Variants in UTP11 observed in about 807,000 individuals in gnomAD.
The protein encoded by UTP11 is probable U3 small nucleolar RNA-associated protein 11.
In UTP11, 29 loss-of-function variants were observed where a neutral mutation model predicts 39.0. The ratio of observed to expected loss-of-function variants is 0.74; its 90% CI spans 0.55 to 1.01. UTP11 has a LOEUF of 1.01. Ranked by LOEUF, UTP11 falls within the 50% of genes least tolerant of loss-of-function variation. The pLI, the probability that UTP11 is intolerant of heterozygous loss-of-function variation, is 0.00. For synonymous variants in UTP11, 111 were observed against 105.0 expected (o/e 1.06, Z -0.35); for missense variants, 281 against 306.0 (o/e 0.92, Z 0.61).
chr1:38,018,077 G>GTT (rs995051218), intron 3 of UTP11, among the ~76,000 whole-genome samples: 1 of 146,054 alleles, frequency 6.8e-6, no homozygotes, highest in Admixed American at 6.9e-5. Flanking sequence ...TTGTCTTTTT[G>GTT]TTTTTTTTTT....
intron 6 of UTP11, among the ~76,000 whole-genome samples, chr1:38,020,499 T>A (rs1646730363): frequency 6.6e-6 from 1 of 152,214 alleles, no homozygotes; most frequent in African/African-American, 2.4e-5. Context: ...GCAGAAGACA[T>A]GCTTTTCCTG....
intron 1 of UTP11, among the ~76,000 whole-genome samples, chr1:38,016,076 A>T (rs964732372): frequency 6.6e-6 from 1 of 152,258 alleles, no homozygotes; most frequent in African/African-American, 2.4e-5. Flanking sequence ...TACAACTGGC[A>T]ACTGCTTGCT....
At chr1:38,017,876 C>T (rs1395989765) in intron 3 of UTP11, 106 bp downstream of exon 3, 1 of 978,532 alleles carries the variant, frequency 1.0e-6, no homozygotes, top group Non-Finnish European at 1.5e-6. Flanking sequence ...TAACCCTTCT[C>T]TGGTTACTCC....
At chr1:38,023,425 C>A in intron 7 of UTP11, 120 bp from the exon 8 acceptor site, 1 of 773,818 alleles carries the variant, frequency 1.3e-6, no homozygotes, top group Non-Finnish European at 2.1e-6. Flanking sequence ...GGCAGTAGGG[C>A]TGTGTCCGTT....
intron 2 of UTP11, chr1:38,017,417 A>T: frequency 2.9e-6 from 1 of 339,926 alleles, no homozygotes; most frequent in Non-Finnish European, 5.3e-6. Context: ...AAACATATAT[A>T]GGCTGGGGAC....
chr1:38,021,383 GTTTC>G (rs1475839301), intron 6 of UTP11, among the ~76,000 whole-genome samples: 19 of 152,138 alleles, frequency 1.2e-4, no homozygotes, highest in African/African-American at 4.6e-4. Flanking sequence ...TAGTAATTAT[GTTTC>G]TTTCTATTTT....
Position 38,019,014 on chromosome 1 carries a change from C to T in UTP11, c.343-45C>T, listed in dbSNP as rs199723546. ...TGCAGTTTTTTTTTTTTTTTGGTACCCTAGAAGAATCTAATATAAAGTGAG... is the reference window on the plus strand; with the variant it reads ...TGCAGTTTTTTTTTTTTTTTGGTACTCTAGAAGAATCTAATATAAAGTGAG... On this transcript the variant is annotated intron_variant, in intron 4 of 7. Coordinates refer to ENST00000373014, the MANE Select transcript of UTP11 (RefSeq NM_016037.4). 446 of 1,448,278 alleles carry T rather than the reference C, an allele frequency of 3.1e-4. 2 individuals carry two copies. The African/African-American group carries it at 6.0e-3, about 19-fold the overall frequency. 89.7% of individuals were successfully genotyped at this position (1,448,278 alleles called of 1,614,324 possible).
intron 1 of UTP11, among the ~76,000 whole-genome samples, chr1:38,014,013 C>G (rs149928028): frequency 1.3e-5 from 2 of 152,236 alleles, no homozygotes; most frequent in Non-Finnish European, 2.9e-5. Context: ...CTGCACCCGG[C>G]CAAAACTATC....
At chr1:38,022,404 A>AT (rs1431184477) in intron 6 of UTP11, among the ~76,000 whole-genome samples, 9 of 151,310 alleles carry the variant, frequency 5.9e-5, no homozygotes, top group African/African-American at 2.2e-4. Context: ...ACAGAGTCTC[A>AT]TTATGTTGCC....
intron 6 of UTP11, 81 bp downstream of exon 6, chr1:38,019,464 C>A: frequency 1.7e-6 from 2 of 1,166,226 alleles, no homozygotes; most frequent in Non-Finnish European, 2.3e-6. Context: ...TTTGCTACTG[C>A]ATTTAAAATA....
rs150974071 is a variant in UTP11 at position 38,016,296 on chromosome 1, G to A, written c.64-63G>A. ...GACTCCTGTGCCTGTTAGATGTCGT[G>A]TTGATTTGGATATGTGTTTGCGGAG... On this transcript the variant is annotated intron_variant, in intron 1 of 7. Coordinates refer to ENST00000373014, the MANE Select transcript of UTP11 (RefSeq NM_016037.4). 6.0e-4 allele frequency: 923 copies of A among 1,540,104 alleles called. 5 individuals are homozygous for A. In the African/African-American group the frequency reaches 0.012, roughly 19 times the overall value.
intron 4 of UTP11, 86 bp from the exon 5 acceptor site, chr1:38,018,973 A>G: frequency 1.7e-6 from 2 of 1,145,500 alleles, no homozygotes; most frequent in Non-Finnish European, 2.5e-6. Context: ...TAATGATGTG[A>G]AATGGTTTAA....
At position 38,012,819 on chromosome 1, in the gene UTP11, G is replaced by C; in HGVS notation, c.17G>C (p.Arg6Pro). The C allele has an allele frequency of 6.2e-7, 1 of 1,614,212 alleles. No individual in the cohort carries two copies. The highest frequency in any genetic ancestry group is 8.5e-7 in the Non-Finnish European group (1 of 1,180,042). The change falls in exon 1 of 8, where the codon CGG (arginine) becomes CCG (proline). Residue 6 changes from arginine (R) to proline (P), a missense_variant. By Grantham distance (103) the Arg-to-Pro change is moderately radical. Transcript: ENST00000373014. ...TGTACAGACATGGCGGCGGCTTTTC[G>C]GAAGGCGGCTAAGTCCCGGCAGCGG... Reference protein sequence around the residue: MAAAFRKAAKSRQREH... With the variant: MAAAFPKAAKSRQREH...
chr1:38,017,181 A>T (rs535524726), intron 2 of UTP11: 1 of 152,918 alleles, frequency 6.5e-6, no homozygotes, highest in South Asian at 2.1e-4. Flanking sequence ...GGGATTCAGG[A>T]TGGTTAAATA....
In UTP11 at chr1:38,018,451, A is replaced by AT. The variant is rs1397558257; in HGVS notation, c.229-10dup. 2.5e-5 allele frequency: 40 copies of AT among 1,574,690 alleles called. No individual in the cohort carries two copies. The highest frequency in any genetic ancestry group is 3.4e-5 in the Non-Finnish European group (39 of 1,149,518). ...ATCTAATAGGGAATATATCTTTTAAATTTGGATTTTAGGATGGAGTACATA... is the reference window on the plus strand; with the variant it reads ...ATCTAATAGGGAATATATCTTTTAAATTTTGGATTTTAGGATGGAGTACATA... On this transcript the variant is annotated splice_polypyrimidine_tract_variant and intron_variant, in intron 3 of 7. Transcript: ENST00000373014.
intron 2 of UTP11, chr1:38,016,639 A>G: frequency 1.9e-6 from 1 of 522,196 alleles, no homozygotes. Flanking sequence ...ATTGTGAATT[A>G]TTTGTATTAT....
Position 38,016,409 on chromosome 1 carries a change from A to G in UTP11, c.114A>G (p.Lys38=). The part of the protein sequence containing the change: ...LGLLEKKKDY[K]LRADDYRKKQ... ...TGCTGGAGAAAAAGAAAGATTACAA[A>G]CTTCGTGCAGAGTGAGTTCAGTCTT... The change falls in exon 2 of 8, where the codon AAA becomes AAG. Residue 38 remains lysine (K), a synonymous_variant. Transcript: ENST00000373014. 6.2e-7 allele frequency: 1 copy of G among 1,614,188 alleles called. No individual in the cohort carries two copies.
In UTP11 at chr1:38,017,624, A is replaced by ATTTT. The variant is rs61711547; in HGVS notation, c.126-34_126-31dup. ...GGTTTTTGGTTTTTTAAAATTATCT[A>ATTTT]TTTTTTTTTTTTTGCTATGAACCTC... On this transcript the variant is annotated intron_variant, in intron 2 of 7. Coordinates refer to ENST00000373014, the MANE Select transcript of UTP11 (RefSeq NM_016037.4). 2.2e-4 allele frequency: 242 copies of ATTTT among 1,079,534 alleles called. 6 individuals are homozygous for ATTTT. The highest frequency in any genetic ancestry group is 7.5e-4 in the South Asian group (36 of 48,204). 66.9% of individuals were successfully genotyped at this position (1,079,534 alleles called of 1,614,324 possible). A position where few individuals can be genotyped will look rare whatever the true frequency, so the allele number is the denominator to read the frequency against.
intron 7 of UTP11, among the ~76,000 whole-genome samples, 183 bp downstream of exon 7, chr1:38,022,992 A>G (rs1646747152): frequency 6.6e-6 from 1 of 152,170 alleles, no homozygotes; most frequent in Non-Finnish European, 1.5e-5. Flanking sequence ...CGCCTTGATT[A>G]AGGAGGTAAT....
Sources: allele counts gnomAD v4.1 joint callset (sites outside exome capture counted in the v4.1 genomes callset), GRCh38; gene constraint gnomAD v4.1.1; transcripts MANE v1.5; gene names NCBI Gene and HGNC (gene_info 2026-07-23, HGNC 2026-07-21).